The following CBARP variants were observed in gnomAD, a reference collection of about 807,000 sequenced individuals.
CBARP encodes the protein CACN subunit beta associated regulatory protein.
CBARP carries 24 observed loss-of-function variants against 36.3 expected under a neutral mutation model. The observed-to-expected ratio is 0.66, with a 90% CI of 0.48 to 0.93. The LOEUF (loss-of-function observed/expected upper bound fraction) is 0.93. CBARP is among the 40% of genes least tolerant of loss of function. The probability of loss-of-function intolerance (pLI) is 0.00; values close to 1 mark genes in which losing one functional copy is unlikely to be tolerated. For synonymous variants in CBARP, 586 were observed against 453.2 expected, an observed-to-expected ratio of 1.29 and a Z score of -3.72; for missense variants, 1,146 against 980.4, an observed-to-expected ratio of 1.17 and a Z score of -2.26.
rs926072450 is a variant in CBARP at position 1,235,002 on chromosome 19, G to A, written c.454C>T (p.Arg152Trp). The A allele has an allele frequency of 1.2e-6, 2 of 1,600,870 alleles. No individual in the cohort carries two copies. Among genetic ancestry groups the A allele is most frequent in the South Asian group, 1.1e-5 (1 of 90,756 alleles). ...GCCTCCCAACGCCGCCCCGCTTACC[G>A]GCGACCCTTGTCCTGCGTCTTGCGG... is the stretch of plus-strand genomic sequence containing the variant. ...QSRKTQDKGR[R>W]YTLTEGDFHH... The change falls in exon 5 of 10, where the codon CGG (arginine) becomes TGG (tryptophan). Residue 152 changes from arginine to tryptophan, a missense_variant and splice_region_variant. Coordinates refer to ENST00000650044, the MANE Select transcript of CBARP (RefSeq NM_001393918.1).
chr19:1,229,244 G>C lies in CBARP; in HGVS notation c.2053C>G (p.Pro685Ala). ...ERLFPPRLAE[P>A]VVATPALVAA... is the part of the protein sequence containing the mutation. ...ACCAACGCGGGAGTCGCCACGACGG[G>C]CTCGGCGAGGCGCGGCGGAAAGAGT... The change falls in exon 10 of 10, where the codon CCC becomes GCC. Residue 685 changes from proline (P) to alanine (A), a missense_variant. Physicochemically the swap from Pro to Ala is conservative, Grantham distance 27. Coordinates refer to ENST00000650044, the MANE Select transcript of CBARP (RefSeq NM_001393918.1). This position sits in a 1 kb window ranked among gnomAD's most constrained non-coding sequence, Gnocchi z 5.1. 6.5e-6 allele frequency: 8 copies of C among 1,239,912 alleles called. No homozygotes were observed. Among genetic ancestry groups the C allele is most frequent in the Non-Finnish European group, 8.3e-6 (8 of 967,144 alleles). 76.8% of individuals were successfully genotyped at this position (1,239,912 alleles called of 1,614,324 possible).
chr19:1,234,495 A>T, intron 6 of CBARP, 76 bp downstream of exon 6: 1 of 1,445,722 alleles, frequency 6.9e-7, no homozygotes, highest in Non-Finnish European at 9.2e-7. Flanking sequence ...AGAGTGGGTG[A>T]GGGCGTGGGG....
chr19:1,235,410 G>T, intron 4 of CBARP, 91 bp downstream of exon 4: 1 of 1,353,004 alleles, frequency 7.4e-7, no homozygotes, highest in Non-Finnish European at 1.0e-6. Context: ...GAGACAGACA[G>T]ACACAGACGG....
chr19:1,231,405 T>C, intron 8 of CBARP, 130 bp from the exon 9 acceptor site: 3 of 1,263,852 alleles, frequency 2.4e-6, no homozygotes, highest in Non-Finnish European at 3.1e-6. Flanking sequence ...ACAACGCCTG[T>C]GGACCCCCAC....
chr19:1,234,495 AG>A (rs2080935935), intron 6 of CBARP, 75 bp downstream of exon 6: 2 of 1,445,720 alleles, frequency 1.4e-6, no homozygotes, highest in African/African-American at 1.4e-5. Context: ...AGAGTGGGTG[AG>A]GGCGTGGGGG....
chr19:1,228,376 G>A lies in CBARP; in HGVS notation c.*803C>T, dbSNP rs1234360287. On this transcript the variant is annotated 3_prime_UTR_variant, in exon 10 of 10. Transcript: ENST00000650044. ...CAGACGCGGCGGGGACTCGGAGGGTGCCGTGCGGGCGAGGCCGCCCAAATT... is the reference window on the plus strand; with the variant it reads ...CAGACGCGGCGGGGACTCGGAGGGTACCGTGCGGGCGAGGCCGCCCAAATT... 8.6e-6 allele frequency: 2 copies of A among 233,898 alleles called. No individual in the cohort carries two copies. The highest frequency in any genetic ancestry group is 1.7e-5 in the Non-Finnish European group (2 of 119,544). 14.5% of individuals were successfully genotyped at this position (233,898 alleles called of 1,614,324 possible). A position where few individuals can be genotyped will look rare whatever the true frequency, so the allele number is the denominator to read the frequency against.
At chr19:1,230,179 C>G in intron 9 of CBARP, 37 bp from the exon 10 acceptor site, 5 of 996,354 alleles carry the variant, frequency 5.0e-6, no homozygotes, top group Non-Finnish European at 6.0e-6. Context: ...CCCCGCCGAG[C>G]CCCGCGCCCC....
In CBARP at chr19:1,229,616, C is replaced by T. The variant is rs1423800932; in HGVS notation, c.1681G>A (p.Asp561Asn). The T allele has an allele frequency of 1.4e-5, 17 of 1,201,856 alleles. No homozygotes were observed. Among genetic ancestry groups the T allele is most frequent in the Non-Finnish European group, 1.7e-5 (16 of 948,258 alleles). The allele number at this position is 1,201,856 out of a possible 1,614,324, so 74.4% of individuals were successfully genotyped here. The stretch of plus-strand genomic sequence containing the variant: ...TGTCGCGCGGCAGCCGGCGTGTCGT[C>T]GAAGTGCGGGTCGTGGCGCAGGAAC... ...HEFLRHDPHF[D>N]DTPAAARHRA... The change falls in exon 10 of 10, where the codon GAC becomes AAC. Residue 561 changes from aspartate to asparagine, a missense_variant. Coordinates refer to ENST00000650044, the MANE Select transcript of CBARP (RefSeq NM_001393918.1). The surrounding 1 kb of genome is among the most constrained non-coding windows in gnomAD (Gnocchi z 5.1).
In CBARP at chr19:1,235,416, G is replaced by A. The variant is rs1371602230; in HGVS notation, c.310+85C>T. ...CTGGTGGGGGAGACAGACAGACACA[G>A]ACGGTCAGGCAGCCCGAGGGGGCGG... On this transcript the variant is annotated intron_variant, in intron 4 of 9. Transcript: ENST00000650044. 72 of 1,378,318 alleles carry A rather than the reference G, an allele frequency of 5.2e-5. 1 individual carries two copies. Among genetic ancestry groups the A allele is most frequent in the Non-Finnish European group, 7.0e-5 (71 of 1,021,266 alleles). 85.4% of individuals were successfully genotyped at this position (1,378,318 alleles called of 1,614,324 possible).
rs1049164852 is a variant in CBARP, at chr19:1,229,510, G to C, written c.1787C>G (p.Pro596Arg). 2.3e-4 allele frequency: 223 copies of C among 979,336 alleles called. 1 individual carries two copies. The African/African-American group carries it at 3.7e-3, about 16-fold the overall frequency. The allele number at this position is 979,336 out of a possible 1,614,324, so 60.7% of individuals were successfully genotyped here. ...QHSDPGARAA[P>R]ALAGTPAPPA... ...CGGTGCCGGGGTTCCGGCCAGGGCCGGGGCCGCGCGGGCGCCGGGGTCGCT... is the reference window on the plus strand; with the variant it reads ...CGGTGCCGGGGTTCCGGCCAGGGCCCGGGCCGCGCGGGCGCCGGGGTCGCT... Residue 596 changes from proline (P) to arginine (R), a missense_variant, in exon 10 of 10, where the codon CCG becomes CGG. Pro to Arg is a moderately radical substitution (Grantham distance 103). Coordinates refer to ENST00000650044, the MANE Select transcript of CBARP (RefSeq NM_001393918.1). This position sits in a 1 kb window ranked among gnomAD's most constrained non-coding sequence, Gnocchi z 5.1.
At chr19:1,237,228 G>T (rs2080987635) in intron 1 of CBARP, among the ~76,000 whole-genome samples, 1 of 152,252 alleles carries the variant, frequency 6.6e-6, no homozygotes, top group South Asian at 2.1e-4. Context: ...TCCCGGCGGG[G>T]GCTGGTGTCC....
At chr19:1,232,533 C>A (rs887715071) in intron 8 of CBARP, among the ~76,000 whole-genome samples, 2 of 152,186 alleles carry the variant, frequency 1.3e-5, no homozygotes, top group African/African-American at 4.8e-5. Flanking sequence ...CTGAGCAGGG[C>A]TGGTGCCTGC....
rs775957099 is a variant in CBARP at position 1,235,979 on chromosome 19, C to T, written c.105+17G>A. The T allele has an allele frequency of 1.3e-6, 2 of 1,580,044 alleles. No individual in the cohort carries two copies. Among genetic ancestry groups the T allele is most frequent in the South Asian group, 2.3e-5 (2 of 87,086 alleles). On this transcript the variant is annotated intron_variant, in intron 2 of 9. Coordinates refer to ENST00000650044, the MANE Select transcript of CBARP (RefSeq NM_001393918.1). ...CTGGACGACCTCCTGCCCCTCCCAC[C>T]TGTCCCCTGCACCCACCGTGGGGCG...
Position 1,234,981 on chromosome 19 carries a change from C to T in CBARP, c.455+20G>A, listed in dbSNP as rs1242938812. The T allele has an allele frequency of 1.9e-6, 3 of 1,591,338 alleles. No homozygotes were observed. Among genetic ancestry groups the T allele is most frequent in the Admixed American group, 3.4e-5 (2 of 58,886 alleles). On this transcript the variant is annotated intron_variant, in intron 5 of 9. Transcript: ENST00000650044. The stretch of plus-strand genomic sequence containing the variant: ...ACCTCAGACAGGCCCTGGGGTGCCT[C>T]CCAACGCCGCCCCGCTTACCGGCGA...
chr19:1,229,198 G>T lies in CBARP; in HGVS notation c.2099C>A (p.Pro700His). 1 of 1,190,856 alleles carries T rather than the reference G, an allele frequency of 8.4e-7. No individual in the cohort carries two copies. Among genetic ancestry groups the T allele is most frequent in the African/African-American group, 1.7e-5 (1 of 60,454 alleles). 73.8% of individuals were successfully genotyped at this position (1,190,856 alleles called of 1,614,324 possible). Residue 700 changes from proline (P) to histidine (H), a missense_variant, in exon 10 of 10, where the codon CCC (proline) becomes CAC (histidine). By Grantham distance (77) the Pro-to-His change is moderately conservative. Transcript: ENST00000650044. This position sits in a 1 kb window ranked among gnomAD's most constrained non-coding sequence, Gnocchi z 5.1. The stretch of plus-strand genomic sequence containing the variant: ...CGGGACTTAGGCCGGGCTGTGGTCG[G>T]GGGACGTGGGGGCGGCGGCGACCAA... Reference protein sequence around the residue: ...PALVAAAPTSPDHSPA With the variant: ...PALVAAAPTSHDHSPA
At chr19:1,237,199 G>A (rs2080987154) in intron 1 of CBARP, among the ~76,000 whole-genome samples, 1 of 152,260 alleles carries the variant, frequency 6.6e-6, no homozygotes, top group South Asian at 2.1e-4. Context: ...GGGAAACTGA[G>A]GCCCAAAGCC....
rs751518232 is a variant in CBARP at position 1,231,115 on chromosome 19, G to T, written c.1140C>A (p.Pro380=). The T allele has an allele frequency of 6.3e-7, 1 of 1,598,414 alleles. No individual in the cohort carries two copies. Among genetic ancestry groups the T allele is most frequent in the East Asian group, 2.3e-5 (1 of 44,218 alleles). ...PHPRPFLASP[P]PALGRLEAAE... ...CTGAAAAATACCTGCCGAGAGCAGG[G>T]GGCGGGCTGGCCAGAAAGGGGCGGG... is the stretch of plus-strand genomic sequence containing the variant. The change falls in exon 9 of 10, where the codon CCC becomes CCA. Residue 380 remains proline (P), a synonymous_variant. Transcript: ENST00000650044.
At position 1,229,483 on chromosome 19, in the gene CBARP, G is replaced by A; in HGVS notation, c.1814C>T (p.Pro605Leu). Reference protein sequence around the residue: ...APALAGTPAPPAGAARPARAP... With the variant: ...APALAGTPAPLAGAARPARAP... Reference sequence around the variant, plus strand: ...ACGCGCGGGTCGGGCCGCGCCGGCAGGCGGTGCCGGGGTTCCGGCCAGGGC... The same window carrying A: ...ACGCGCGGGTCGGGCCGCGCCGGCAAGCGGTGCCGGGGTTCCGGCCAGGGC... The change falls in exon 10 of 10, where the codon CCT becomes CTT. Residue 605 changes from proline to leucine, a missense_variant. Pro to Leu is a moderately conservative substitution (Grantham distance 98). Coordinates refer to ENST00000650044, the MANE Select transcript of CBARP (RefSeq NM_001393918.1). This position sits in a 1 kb window ranked among gnomAD's most constrained non-coding sequence, Gnocchi z 5.1. 1 of 979,142 alleles carries A rather than the reference G, an allele frequency of 1.0e-6. No homozygotes were observed. The highest frequency in any genetic ancestry group is 1.2e-6 in the Non-Finnish European group (1 of 827,694). 60.7% of individuals were successfully genotyped at this position (979,142 alleles called of 1,614,324 possible).
chr19:1,228,681 C>A lies in CBARP; in HGVS notation c.*498G>T, dbSNP rs1246318679. 1 of 151,506 alleles carries A rather than the reference C, an allele frequency of 6.6e-6. No homozygotes were observed. The highest frequency in any genetic ancestry group is 2.4e-5 in the African/African-American group (1 of 41,202). The allele number at this position is 151,506 out of a possible 1,614,324, so 9.4% of individuals were successfully genotyped here. A position where few individuals can be genotyped will look rare whatever the true frequency, so the allele number is the denominator to read the frequency against. ...TCACGGTGTTGAGCCGCCTCCCGGC[C>A]CAGGGCGGCGAACTCGTCTGCGACC... is the stretch of plus-strand genomic sequence containing the variant. On this transcript the variant is annotated 3_prime_UTR_variant, in exon 10 of 10. Coordinates refer to ENST00000650044, the MANE Select transcript of CBARP (RefSeq NM_001393918.1).
Sources: allele counts gnomAD v4.1 joint callset (sites outside exome capture counted in the v4.1 genomes callset), GRCh38; gene constraint gnomAD v4.1.1; non-coding constraint Gnocchi (gnomAD v3.1); transcripts MANE v1.5; gene names NCBI Gene and HGNC (gene_info 2026-07-23, HGNC 2026-07-21).